The following TLN2 variants were observed in gnomAD, a reference collection of about 807,000 sequenced individuals.
The protein encoded by TLN2 is talin-2.
In TLN2, 118 loss-of-function variants were observed where a neutral mutation model predicts 294.7. The observed-to-expected ratio is 0.40, with a 90% CI of 0.34 to 0.47. The LOEUF (loss-of-function observed/expected upper bound fraction) is 0.47. Ranked by LOEUF, TLN2 falls within the 20% of genes least tolerant of loss-of-function variation. The pLI is 0.84. For synonymous variants in TLN2, 1,431 were observed against 1,304.5 expected (o/e 1.10, Z -2.09); for missense variants, 3,083 against 3,282.2 (o/e 0.94, Z 1.48).
chr15:62,515,983 C>G (rs1405045851), intron 1 of TLN2, among the ~76,000 whole-genome samples: 1 of 152,104 alleles, frequency 6.6e-6, no homozygotes, highest in African/African-American at 2.4e-5. Flanking sequence ...AAGGGCAGCT[C>G]AGGTATGATG....
chr15:62,708,456 C>T (rs747560848), intron 20 of TLN2, 46 bp from the exon 21 acceptor site: 1 of 1,590,368 alleles, frequency 6.3e-7, no homozygotes, highest in Non-Finnish European at 8.6e-7. Context: ...GGAGAGGGAC[C>T]AGGATTCAAC....
At chr15:62,750,269 C>CA in intron 33 of TLN2, 133 bp from the exon 34 acceptor site, 2 of 724,384 alleles carry the variant, frequency 2.8e-6, no homozygotes, top group Non-Finnish European at 2.4e-6. Flanking sequence ...TGTAAATTCT[C>CA]AAACATCTGA....
At chr15:62,713,678 CA>C (rs1166072880) in intron 22 of TLN2, among the ~76,000 whole-genome samples, 8 of 148,104 alleles carry the variant, frequency 5.4e-5, no homozygotes, top group African/African-American at 4.9e-5. Flanking sequence ...GACTCTGTCT[CA>C]AAAAAAAAAT....
rs2070873524 is a variant in TLN2, at chr15:62,843,155, G to C, written c.*2545G>C. The stretch of plus-strand genomic sequence containing the variant: ...ACGGCCCCAGGTCTGGAGCATAGAA[G>C]TGTATCTCTGTGAAGAGAGAGCCGG... On this transcript the variant is annotated 3_prime_UTR_variant, in exon 59 of 59. Coordinates refer to ENST00000636159, the MANE Select transcript of TLN2 (RefSeq NM_015059.3). 1 of 152,190 alleles carries C rather than the reference G, an allele frequency of 6.6e-6. No homozygotes were observed. The highest frequency in any genetic ancestry group is 6.5e-5 in the Admixed American group (1 of 15,282). 9.4% of individuals were successfully genotyped at this position (152,190 alleles called of 1,614,324 possible).
chr15:62,476,891 A>G (rs568506090), intron 1 of TLN2, among the ~76,000 whole-genome samples: 1 of 152,180 alleles, frequency 6.6e-6, no homozygotes, highest in South Asian at 2.1e-4. Flanking sequence ...TTATCTGACT[A>G]CCTTGTTTCA....
intron 1 of TLN2, among the ~76,000 whole-genome samples, chr15:62,514,921 T>G (rs2040111364): frequency 6.6e-6 from 1 of 152,098 alleles, no homozygotes; most frequent in South Asian, 2.1e-4. Flanking sequence ...AAAATATAAC[T>G]CACTTACACC....
intron 53 of TLN2, among the ~76,000 whole-genome samples, chr15:62,820,274 C>G (rs1239188645): frequency 6.6e-6 from 1 of 152,012 alleles, no homozygotes; most frequent in Admixed American, 6.6e-5. Context: ...AAGGGCCATA[C>G]ATGCAACTGA....
chr15:62,769,114 AT>A (rs2063195700), intron 41 of TLN2, among the ~76,000 whole-genome samples: 1 of 152,368 alleles, frequency 6.6e-6, no homozygotes, highest in African/African-American at 2.4e-5. Context: ...AACCGCTGAC[AT>A]TTGACAGTTG....
At chr15:62,677,662 G>A (rs2414780) in intron 11 of TLN2, among the ~76,000 whole-genome samples, 5,097 of 151,908 alleles carry the variant, frequency 0.034, 279 homozygotes, top group African/African-American at 0.11. Context: ...CAAGAACATG[G>A]TAGACTTTTT....
chr15:62,780,144 C>A (rs983392519), intron 43 of TLN2, among the ~76,000 whole-genome samples: 3 of 152,210 alleles, frequency 2.0e-5, no homozygotes, highest in Non-Finnish European at 4.4e-5. Flanking sequence ...ACAGCCCCCT[C>A]CTGTTCAGGT....
At chr15:62,639,705 G>A (rs186523148) in intron 3 of TLN2, among the ~76,000 whole-genome samples, 197 of 152,254 alleles carry the variant, frequency 1.3e-3, no homozygotes, top group African/African-American at 4.3e-3. Flanking sequence ...CGCATGGAGC[G>A]CTCTCAAGTG....
chr15:62,400,812 GTT>G (rs11369905), intron 1 of TLN2, among the ~76,000 whole-genome samples: 27 of 119,456 alleles, frequency 2.3e-4, no homozygotes, highest in Middle Eastern at 4.2e-3. Flanking sequence ...TATGTTTCCG[GTT>G]TTTTTTTTTT....
chr15:62,718,031 TCA>T (rs1281174532), intron 24 of TLN2, among the ~76,000 whole-genome samples: 1 of 152,206 alleles, frequency 6.6e-6, no homozygotes, highest in Non-Finnish European at 1.5e-5. Flanking sequence ...AGGCAGGACT[TCA>T]AATTCAGCCT....
At chr15:62,682,811 C>T (rs1407049693) in intron 11 of TLN2, 2 of 152,082 alleles carry the variant, frequency 1.3e-5, no homozygotes, top group African/African-American at 4.8e-5. Flanking sequence ...TCACGTGTAA[C>T]CCTTCTCACT....
rs575268530 is a variant in TLN2, at chr15:62,441,859, G to A, written c.-238+51174G>A. ...GACAAGCTTCCAGATGGATAAACAC[G>A]TGGAGGTTTGTGGCGGGTGGTGTGC... On this transcript the variant is annotated intron_variant, in intron 1 of 58. Coordinates refer to ENST00000636159, the MANE Select transcript of TLN2 (RefSeq NM_015059.3). 1.2e-4 allele frequency among the ~76,000 whole-genome samples: 19 copies of A among 152,290 alleles called. 2 individuals carry two copies. Among genetic ancestry groups the A allele is most frequent in the African/African-American group, 4.6e-4 (19 of 41,540 alleles).
intron 32 of TLN2, among the ~76,000 whole-genome samples, chr15:62,741,748 C>CGCGCGCGCGCGCGCGTGTGTGT: frequency 1.5e-5 from 2 of 131,072 alleles, no homozygotes; most frequent in Admixed American, 7.8e-5. Context: ...AAAATTTGCG[C>CGCGCGCGCGCGCGCGTGTGTGT]GTGTGTGTGT....
chr15:62,802,257 T>C (rs1385672894), intron 50 of TLN2, among the ~76,000 whole-genome samples: 2 of 152,186 alleles, frequency 1.3e-5, no homozygotes, highest in Non-Finnish European at 2.9e-5. Flanking sequence ...CTTAATGACC[T>C]CTAGTTCCAT....
intron 43 of TLN2, among the ~76,000 whole-genome samples, chr15:62,777,624 A>AC (rs1268627560): frequency 1.3e-5 from 2 of 151,400 alleles, no homozygotes; most frequent in Non-Finnish European, 1.5e-5. Flanking sequence ...CCAAGGCTCC[A>AC]CCCCCAACCC....
At chr15:62,423,874 C>T (rs531873806) in intron 1 of TLN2, among the ~76,000 whole-genome samples, 1 of 152,206 alleles carries the variant, frequency 6.6e-6, no homozygotes. Context: ...GCAACCGTGC[C>T]CGGCCTGAAA....
Sources: allele counts gnomAD v4.1 joint callset (sites outside exome capture counted in the v4.1 genomes callset), GRCh38; gene constraint gnomAD v4.1.1; transcripts MANE v1.5; gene names NCBI Gene and HGNC (gene_info 2026-07-23, HGNC 2026-07-21).